WDR27: variants seen among roughly 807,000 people sequenced by gnomAD.
The protein encoded by WDR27 is WD repeat domain 27, also known as WD repeat-containing protein 27.
A neutral mutation model predicts 114.4 loss-of-function variants in WDR27; 100 were observed. The ratio of observed to expected loss-of-function variants is 0.87; its 90% CI spans 0.74 to 1.03. WDR27 has a LOEUF of 1.03. Ranked by LOEUF, WDR27 falls within the 50% of genes least tolerant of loss-of-function variation. WDR27 has a pLI of 0.00. For synonymous variants in WDR27, 449 were observed against 423.1 expected, an observed-to-expected ratio of 1.06 and a Z score of -0.75; for missense variants, 1,129 against 1,092.9, an observed-to-expected ratio of 1.03 and a Z score of -0.47.
chr6:169,434,481 A>T, the WDR27 span, among the ~76,000 whole-genome samples: 1 of 152,208 alleles, frequency 6.6e-6, no homozygotes, highest in Non-Finnish European at 1.5e-5. Flanking sequence ...TGGTTACTGT[A>T]GCCTTGTAGT....
intron 21 of WDR27, among the ~76,000 whole-genome samples, chr6:169,614,826 A>G (rs895740977): frequency 2.6e-5 from 4 of 152,246 alleles, no homozygotes; most frequent in Admixed American, 2.6e-4. Flanking sequence ...CTGGTGTTAC[A>G]TGAGGTACTC....
chr6:169,572,224 T>C (rs565710713), intron 25 of WDR27, among the ~76,000 whole-genome samples, 195 bp downstream of exon 25: 16 of 152,224 alleles, frequency 1.1e-4, no homozygotes, highest in Admixed American at 3.3e-4. Context: ...AGATGAAGGA[T>C]ATAAACATGC....
At chr6:169,452,616 G>A (rs2115228623), downstream of WDR27, among the ~76,000 whole-genome samples, 1 of 152,046 alleles carries the variant, frequency 6.6e-6, no homozygotes, top group African/African-American at 2.4e-5. Flanking sequence ...GTTCAGGACG[G>A]GCATGGCAGC....
chr6:169,563,340 G>A (rs1337486771), intron 25 of WDR27, among the ~76,000 whole-genome samples: 3 of 152,100 alleles, frequency 2.0e-5, no homozygotes, highest in Admixed American at 1.3e-4. Context: ...TGAACCACGC[G>A]TGAGTCCTGA....
intron 22 of WDR27, among the ~76,000 whole-genome samples, chr6:169,605,025 T>C (rs2128174081): frequency 7.1e-6 from 1 of 141,034 alleles, no homozygotes; most frequent in Non-Finnish European, 1.5e-5. Flanking sequence ...GTCTTTCCTC[T>C]AAGAACTGGA....
intron 25 of WDR27, among the ~76,000 whole-genome samples, chr6:169,570,413 A>G (rs555818583): frequency 1.3e-5 from 2 of 152,342 alleles, no homozygotes; most frequent in South Asian, 2.1e-4. Context: ...TATCTTCAGG[A>G]GGACACGAGA....
At chr6:169,509,900 C>G (rs1792568777) in intron 25 of WDR27, among the ~76,000 whole-genome samples, 1 of 152,170 alleles carries the variant, frequency 6.6e-6, no homozygotes, top group South Asian at 2.1e-4. Flanking sequence ...GAGCTTATAT[C>G]CAGAATCTAC....
chr6:169,489,904 C>G (rs1458482498), intron 25 of WDR27, among the ~76,000 whole-genome samples: 2 of 152,214 alleles, frequency 1.3e-5, no homozygotes, highest in African/African-American at 4.8e-5. Flanking sequence ...GTCTTTCTGG[C>G]TTCCTCCCTG....
the WDR27 span, among the ~76,000 whole-genome samples, chr6:169,449,064 A>G: frequency 6.6e-6 from 1 of 152,244 alleles, no homozygotes; most frequent in Admixed American, 6.5e-5. Flanking sequence ...AAACTTGCCT[A>G]CGACGTGTAT....
intron 13 of WDR27, among the ~76,000 whole-genome samples, chr6:169,656,581 G>C (rs908669459): frequency 1.3e-5 from 2 of 152,096 alleles, no homozygotes; most frequent in African/African-American, 2.4e-5. Flanking sequence ...CTGAGAACGA[G>C]GAGGCCGGGA....
At chr6:169,434,848 A>G in the WDR27 span, among the ~76,000 whole-genome samples, 3 of 152,278 alleles carry the variant, frequency 2.0e-5, no homozygotes, top group Admixed American at 1.3e-4. Flanking sequence ...CCAGTTGCAG[A>G]AATTTGCATA....
At chr6:169,683,280 G>T (rs1194594713) in intron 2 of WDR27, among the ~76,000 whole-genome samples, 1 of 152,062 alleles carries the variant, frequency 6.6e-6, no homozygotes, top group Non-Finnish European at 1.5e-5. Flanking sequence ...AAAGGTCAAA[G>T]ACAAAGAGAG....
At chr6:169,593,132 T>C (rs866507096) in intron 23 of WDR27, among the ~76,000 whole-genome samples, 32 of 152,356 alleles carry the variant, frequency 2.1e-4, no homozygotes, top group African/African-American at 7.2e-4. Context: ...CTATCAGTTA[T>C]GGTTACTTCA....
At chr6:169,637,559 T>C (rs571629239) in intron 18 of WDR27, among the ~76,000 whole-genome samples, 1 of 152,322 alleles carries the variant, frequency 6.6e-6, no homozygotes, top group South Asian at 2.1e-4. Flanking sequence ...TGTGTGTGAA[T>C]ATGTGGCAAG....
chr6:169,517,337 T>C (rs759381607), intron 25 of WDR27, among the ~76,000 whole-genome samples: 2 of 152,168 alleles, frequency 1.3e-5, no homozygotes, highest in Non-Finnish European at 2.9e-5. Flanking sequence ...CAATTAAACC[T>C]CTTTTCTTTA....
chr6:169,647,946 G>T, intron 15 of WDR27, 76 bp from the exon 16 acceptor site: 2 of 1,039,238 alleles, frequency 1.9e-6, no homozygotes, highest in East Asian at 2.8e-5. Flanking sequence ...AGCAAGAAAC[G>T]AAGTGGGCTT....
At chr6:169,560,213 A>G (rs1370882283) in intron 25 of WDR27, among the ~76,000 whole-genome samples, 1 of 151,970 alleles carries the variant, frequency 6.6e-6, no homozygotes, top group East Asian at 1.9e-4. Flanking sequence ...ACGAGATCTG[A>G]TGGTTTTAGC....
At chr6:169,660,612 C>T in intron 10 of WDR27, 51 bp downstream of exon 10, 2 of 1,470,038 alleles carry the variant, frequency 1.4e-6, no homozygotes, top group Non-Finnish European at 1.9e-6. Flanking sequence ...CCCCACATAC[C>T]AGTCAAAGGA....
intron 23 of WDR27, 30 bp from the exon 24 acceptor site, chr6:169,582,964 G>T: frequency 2.5e-6 from 4 of 1,602,592 alleles, no homozygotes; most frequent in Non-Finnish European, 3.4e-6. Context: ...GGTGTGCCAT[G>T]TTAACTCAGA....
Sources: gnomAD v4.1 joint callset for allele counts (sites outside exome capture counted in the v4.1 genomes callset) on GRCh38, gnomAD v4.1.1 for gene constraint, MANE v1.5 for transcripts, NCBI Gene and HGNC (gene_info 2026-07-23, HGNC 2026-07-21) for gene names.